The following REV3L variants were observed in gnomAD, a reference collection of about 807,000 sequenced individuals.
REV3L encodes the protein REV3 like, DNA directed polymerase zeta catalytic subunit.
In REV3L, 69 loss-of-function variants were observed where a neutral mutation model predicts 299.4. That is an observed-to-expected ratio of 0.23 (90% CI 0.19 to 0.28). The LOEUF (loss-of-function observed/expected upper bound fraction) is 0.28. REV3L is among the 10% of genes least tolerant of loss of function. The pLI is 1.00. For synonymous variants in REV3L, 1,238 were observed against 1,271.4 expected (o/e 0.97, Z 0.56); for missense variants, 3,128 against 3,693.8 (o/e 0.85, Z 3.97).
intron 1 of REV3L, among the ~76,000 whole-genome samples, chr6:111,466,394 A>T (rs1383974924): frequency 5.3e-5 from 8 of 152,124 alleles, no homozygotes; most frequent in African/African-American, 1.4e-4. Context: ...GATTTTTTTT[A>T]AAAAAAGCAC....
chr6:111,411,663 A>T (rs981874071), intron 2 of REV3L, 109 bp from the exon 3 acceptor site: 18 of 716,646 alleles, frequency 2.5e-5, no homozygotes, highest in African/African-American at 7.2e-5. Flanking sequence ...CTTACGTTTA[A>T]TATTATCCAC....
rs17510963 is a variant in REV3L at position 111,367,563 on chromosome 6, A to C, written c.6225T>G (p.Ile2075Met). The C allele has an allele frequency of 4.1e-5, 66 of 1,613,900 alleles. No homozygotes were observed. The African/African-American group carries it at 8.8e-4, about 22-fold the overall frequency. Residue 2075 changes from isoleucine (I) to methionine (M), a missense_variant, in exon 14 of 32, where the codon ATT (isoleucine) becomes ATG (methionine). Ile to Met is a conservative substitution (Grantham distance 10). Around this residue, in one of 9 missense-constraint regions of REV3L, gnomAD observed 2,409 missense variants for 2,611.8 expected, o/e 0.92. Transcript: ENST00000368802. ...HTKEDVDNSQ[I>M]ALQAPTTGCS... ...ATCCCGTGGTTGGTGCTTGTAAAGCAATCTGAGAATTATCAACATCCTCCT... is the reference window on the plus strand; with the variant it reads ...ATCCCGTGGTTGGTGCTTGTAAAGCCATCTGAGAATTATCAACATCCTCCT...
intron 17 of REV3L, among the ~76,000 whole-genome samples, chr6:111,357,943 G>A (rs1009699692): frequency 6.6e-6 from 1 of 150,668 alleles, no homozygotes; most frequent in African/African-American, 2.4e-5. Context: ...ACAGCAACTA[G>A]TTTGAAAAAT....
intron 12 of REV3L, among the ~76,000 whole-genome samples, chr6:111,377,368 G>A (rs931129348): frequency 5.3e-5 from 8 of 152,012 alleles, no homozygotes; most frequent in African/African-American, 1.9e-4. Context: ...GCAGAATCTT[G>A]TTCTGTTGCC....
Position 111,482,760 on chromosome 6 carries a change from C to A in REV3L, c.129G>T (p.Ala43=). ...KKVPVVRVFG[A]TPAGQKTCLH... is the part of the protein sequence containing the mutation. ...CCGGCGCCCGCTTACCTGCCGGGGT[C>A]GCTCCGAAGACTCGCACCACCGGCA... Residue 43 remains alanine (A), a synonymous_variant, in exon 1 of 32, where the codon GCG becomes GCT. Transcript: ENST00000368802. The A allele has an allele frequency of 6.9e-7, 1 of 1,443,618 alleles. No homozygotes were observed. 89.4% of individuals were successfully genotyped at this position (1,443,618 alleles called of 1,614,324 possible). A position where few individuals can be genotyped will look rare whatever the true frequency, so the allele number is the denominator to read the frequency against.
intron 16 of REV3L, among the ~76,000 whole-genome samples, chr6:111,363,633 T>C (rs1214632256): frequency 1.3e-5 from 2 of 152,176 alleles, no homozygotes; most frequent in Admixed American, 6.6e-5. Flanking sequence ...GTGAAAGATA[T>C]GAAATCACAA....
intron 18 of REV3L, among the ~76,000 whole-genome samples, chr6:111,352,016 T>C (rs1267461804): frequency 1.3e-5 from 2 of 151,902 alleles, no homozygotes; most frequent in Non-Finnish European, 2.9e-5. Context: ...TTCTTTCTTT[T>C]TTTTTTTTGA....
intron 18 of REV3L, among the ~76,000 whole-genome samples, chr6:111,353,266 T>C (rs17539854): frequency 0.024 from 3,723 of 152,284 alleles, 60 homozygotes; most frequent in Admixed American, 0.065. Flanking sequence ...TTAGAACCAA[T>C]ATGTTAATAT....
At chr6:111,343,835 A>C in intron 21 of REV3L, 90 bp downstream of exon 21, 2 of 948,658 alleles carry the variant, frequency 2.1e-6, no homozygotes, top group Non-Finnish European at 3.1e-6. Flanking sequence ...TGGCCTGAAC[A>C]ATACACTTTA....
chr6:111,446,839 T>C (rs1256840679), intron 1 of REV3L, among the ~76,000 whole-genome samples: 1 of 152,200 alleles, frequency 6.6e-6, no homozygotes, highest in African/African-American at 2.4e-5. Context: ...CTGAGATTAG[T>C]GGCTATGGCA....
intron 2 of REV3L, among the ~76,000 whole-genome samples, chr6:111,413,427 G>A (rs1562273756): frequency 6.6e-6 from 1 of 152,050 alleles, no homozygotes; most frequent in Admixed American, 6.6e-5. Flanking sequence ...AATTAATTTT[G>A]ATGGATTGAG....
Position 111,373,216 on chromosome 6 carries a change from G to C in REV3L, c.5139C>G (p.Asp1713Glu). 1 of 1,614,108 alleles carries C rather than the reference G, an allele frequency of 6.2e-7. No homozygotes were observed. Among genetic ancestry groups the C allele is most frequent in the African/African-American group, 1.3e-5 (1 of 75,038 alleles). Residue 1713 changes from aspartate to glutamate, a missense_variant, in exon 13 of 32, where the codon GAC becomes GAG. Transcript: ENST00000368802. Reference protein sequence around the residue: ...KCDEDKHHTTDSASWIRSGTL... With the variant: ...KCDEDKHHTTESASWIRSGTL... ...TACCAGATCTAATCCATGAGGCTGAGTCTGTGGTATGATGCTTGTCTTCAT... is the reference window on the plus strand; with the variant it reads ...TACCAGATCTAATCCATGAGGCTGACTCTGTGGTATGATGCTTGTCTTCAT...
intron 1 of REV3L, among the ~76,000 whole-genome samples, chr6:111,474,227 T>C (rs116858469): frequency 0.028 from 4,340 of 152,324 alleles, 75 homozygotes; most frequent in South Asian, 0.079. Flanking sequence ...CAAACATACA[T>C]GCACTATTAG....
At chr6:111,435,746 T>C (rs561973556) in intron 1 of REV3L, among the ~76,000 whole-genome samples, 88 of 152,304 alleles carry the variant, frequency 5.8e-4, no homozygotes, top group Middle Eastern at 3.4e-3. Context: ...TCCAGGACAT[T>C]GGTCTGTGCA....
rs776906305 is a variant in REV3L at position 111,307,396 on chromosome 6, G to A, written c.9217C>T (p.Arg3073Trp). 1.6e-5 allele frequency: 26 copies of A among 1,614,052 alleles called. No homozygotes were observed. The highest frequency in any genetic ancestry group is 1.7e-4 in the Middle Eastern group (1 of 6,060). The change falls in exon 31 of 32, where the codon CGG (arginine) becomes TGG (tryptophan). Residue 3073 changes from arginine to tryptophan, a missense_variant. Transcript: ENST00000368802. Reference protein sequence around the residue: ...HVAVILNQEIRELERQQEQLV... With the variant: ...HVAVILNQEIWELERQQEQLV... ...TGCTCCTGTTGACGTTCCAACTCCC[G>A]GATTTCTTGGTTGAGGATGACTGCA...
chr6:111,332,157 C>T (rs574590009), intron 23 of REV3L, among the ~76,000 whole-genome samples: 2 of 152,042 alleles, frequency 1.3e-5, no homozygotes, highest in Non-Finnish European at 2.9e-5. Context: ...CTGCAAGCTC[C>T]GCCTCCCGGG....
intron 13 of REV3L, among the ~76,000 whole-genome samples, chr6:111,369,899 C>T (rs978951802): frequency 3.3e-5 from 5 of 150,542 alleles, no homozygotes; most frequent in African/African-American, 9.8e-5. Flanking sequence ...TGCAGTGGTG[C>T]GATCTCAGCT....
chr6:111,310,084 A>C lies in REV3L; in HGVS notation c.8811T>G (p.Tyr2937Ter). 1 of 1,543,644 alleles carries C rather than the reference A, an allele frequency of 6.5e-7. No individual in the cohort carries two copies. Among genetic ancestry groups the C allele is most frequent in the Non-Finnish European group, 8.7e-7 (1 of 1,144,584 alleles). Residue 2937 changes from tyrosine to a stop codon, truncating the protein, a stop_gained, in exon 30 of 32, where the codon TAT becomes TAG. Transcript: ENST00000368802. LOFTEE classifies it high-confidence loss of function. ...ALELTRKMLT[Y>*]DRRSEPQVGE... is the part of the protein sequence containing the mutation. Reference sequence around the variant, plus strand: ...CAACCTGAGGCTCAGAGCGCCGGTCATAAGTCAGCATTTTCCTATTCGAAT... The same window carrying C: ...CAACCTGAGGCTCAGAGCGCCGGTCCTAAGTCAGCATTTTCCTATTCGAAT...
intron 1 of REV3L, among the ~76,000 whole-genome samples, chr6:111,423,708 C>T (rs1484577587): frequency 6.6e-6 from 1 of 152,078 alleles, no homozygotes; most frequent in Non-Finnish European, 1.5e-5. Flanking sequence ...TGGAGGAATT[C>T]AGTCGAGATG....
Sources: gnomAD v4.1 joint callset for allele counts (sites outside exome capture counted in the v4.1 genomes callset) on GRCh38, gnomAD v4.1.1 for gene constraint, gnomAD v4.1.1 regional missense constraint, MANE v1.5 for transcripts, NCBI Gene and HGNC (gene_info 2026-07-23, HGNC 2026-07-21) for gene names.